Variants in ZBTB40 observed in about 807,000 individuals in gnomAD.
ZBTB40 encodes zinc finger and BTB domain-containing protein 40.
Under a neutral mutation model 117.5 loss-of-function variants are expected in ZBTB40, and 60 were observed. That is an observed-to-expected ratio of 0.51 (90% CI 0.41 to 0.63). The LOEUF is 0.63. Ranked by LOEUF, ZBTB40 falls within the 30% of genes least tolerant of loss-of-function variation. The pLI, the probability that ZBTB40 is intolerant of heterozygous loss-of-function variation, is 0.00. For missense variants in ZBTB40, 1,287 were observed against 1,498.5 expected, an observed-to-expected ratio of 0.86 and a Z score of 2.33; for synonymous variants, 525 against 577.1, an observed-to-expected ratio of 0.91 and a Z score of 1.29.
chr1:22,456,747 T>C (rs969391793), intron 1 of ZBTB40, among the ~76,000 whole-genome samples: 3 of 152,250 alleles, frequency 2.0e-5, no homozygotes, highest in Non-Finnish European at 4.4e-5. Flanking sequence ...GTAACATAGA[T>C]ATCTGCCCAT....
chr1:22,523,198 G>A (rs906833387), intron 16 of ZBTB40, among the ~76,000 whole-genome samples: 1 of 151,656 alleles, frequency 6.6e-6, no homozygotes, highest in African/African-American at 2.4e-5. Context: ...TGATCCGCCC[G>A]CCTCACCCTC....
rs1291390329 is a variant in ZBTB40 at position 22,502,325 on chromosome 1, T to C, written c.1051T>C (p.Ser351Pro). Reference protein sequence around the residue: ...KGSTEEGKTLSVLLLEHKEDL... With the variant: ...KGSTEEGKTLPVLLLEHKEDL... ...GAGCACAGAGGAGGGAAAGACCTTG[T>C]CTGTTCTGTTACTAGAACACAAAGA... is the stretch of plus-strand genomic sequence containing the variant. The change falls in exon 5 of 18, where the codon TCT becomes CCT. Residue 351 changes from serine (S) to proline (P), a missense_variant. Physicochemically the swap from Ser to Pro is moderately conservative, Grantham distance 74. Coordinates refer to ENST00000375647, the MANE Select transcript of ZBTB40 (RefSeq NM_014870.4). 6.2e-7 allele frequency: 1 copy of C among 1,613,944 alleles called. No homozygotes were observed. The highest frequency in any genetic ancestry group is 1.3e-5 in the African/African-American group (1 of 75,006).
upstream of ZBTB40, among the ~76,000 whole-genome samples, chr1:22,447,088 G>GC (rs1347819246): frequency 9.3e-5 from 14 of 149,764 alleles, no homozygotes; most frequent in Non-Finnish European, 8.9e-5. Context: ...GGGCGACAGA[G>GC]CAAGACCTTA....
intron 1 of ZBTB40, among the ~76,000 whole-genome samples, chr1:22,472,774 C>G (rs1641442717): frequency 6.6e-6 from 1 of 152,162 alleles, no homozygotes; most frequent in African/African-American, 2.4e-5. Flanking sequence ...TCTGGTTGAC[C>G]ATTTCCTAGA....
At chr1:22,464,736 A>T (rs1641211679) in intron 1 of ZBTB40, among the ~76,000 whole-genome samples, 1 of 152,226 alleles carries the variant, frequency 6.6e-6, no homozygotes. Flanking sequence ...AAATATGTAT[A>T]TGCATGCACA....
At chr1:22,481,787 C>CA (rs766474050) in intron 1 of ZBTB40, among the ~76,000 whole-genome samples, 54,296 of 64,242 alleles carry the variant, frequency 0.85, 25,097 homozygotes, top group Non-Finnish European at 0.94. Flanking sequence ...CTTGTTTTAC[C>CA]AAAAAAAAAA....
At chr1:22,491,242 C>G (rs1020855651) in intron 2 of ZBTB40, among the ~76,000 whole-genome samples, 158 bp from the exon 3 acceptor site, 1 of 152,192 alleles carries the variant, frequency 6.6e-6, no homozygotes, top group Non-Finnish European at 1.5e-5. Context: ...AAGGAGGAAG[C>G]TGTGAGAGAT....
Position 22,528,021 on chromosome 1 carries a change from T to G in ZBTB40, c.*1625T>G, listed in dbSNP as rs374362340. The G allele has an allele frequency of 5.2e-5, 8 of 152,634 alleles. No homozygotes were observed. The highest frequency in any genetic ancestry group is 1.9e-4 in the African/African-American group (8 of 41,402). The allele number at this position is 152,634 out of a possible 1,614,324, so 9.5% of individuals were successfully genotyped here. A position where few individuals can be genotyped will look rare whatever the true frequency, so the allele number is the denominator to read the frequency against. On this transcript the variant is annotated 3_prime_UTR_variant, in exon 18 of 18. Transcript: ENST00000375647. ...CTTGTCAATTAGGGTTCTGCCATTCTGAAATAAATGAAGTTTCTAAAGCAG... is the reference window on the plus strand; with the variant it reads ...CTTGTCAATTAGGGTTCTGCCATTCGGAAATAAATGAAGTTTCTAAAGCAG...
chr1:22,474,028 A>G (rs1484094995), intron 1 of ZBTB40, among the ~76,000 whole-genome samples: 1 of 152,204 alleles, frequency 6.6e-6, no homozygotes, highest in Admixed American at 6.5e-5. Flanking sequence ...CCTACTTGAT[A>G]TCTACAACAG....
rs755956667 is a variant in ZBTB40 at position 22,437,424 on chromosome 1, C to CT, written c.-70+8424dup. On this transcript the variant is annotated intron_variant, in intron 1 of 8. Coordinates refer to the ZBTB40 transcript ENST00000650433. ...AAAATAATACCATAAAACTTATCAT[C>CT]TTTTTTTTTTTTTTGAGATGGAGTC... is the stretch of plus-strand genomic sequence containing the variant. Among the ~76,000 whole-genome samples the CT allele has an allele frequency of 7.6e-3, 1,074 of 141,198 alleles. 16 individuals are homozygous for CT. Among genetic ancestry groups the CT allele is most frequent in the African/African-American group, 0.022 (860 of 38,644 alleles). The allele number at this position is 141,198 out of a possible 152,430, so 92.6% of individuals were successfully genotyped here.
chr1:22,497,411 G>T (rs577662296), intron 3 of ZBTB40, among the ~76,000 whole-genome samples: 2 of 152,158 alleles, frequency 1.3e-5, no homozygotes, highest in Non-Finnish European at 2.9e-5. Context: ...GACAGGGTTG[G>T]GTAGCCCTCT....
chr1:22,521,699 G>A (rs373034313), intron 15 of ZBTB40, 41 bp downstream of exon 15: 5 of 1,613,784 alleles, frequency 3.1e-6, no homozygotes, highest in Non-Finnish European at 4.2e-6. Flanking sequence ...GGAGGGGCTT[G>A]ATGGTGTAGC....
intron 1 of ZBTB40, among the ~76,000 whole-genome samples, chr1:22,431,634 G>A (rs572960596): frequency 9.6e-4 from 146 of 151,882 alleles, no homozygotes; most frequent in Admixed American, 2.4e-3. Flanking sequence ...TACTCGGGAG[G>A]CTGAGGCAGG....
intron 15 of ZBTB40, 151 bp from the exon 16 acceptor site, chr1:22,522,226 A>G (rs1639545673): frequency 1.3e-6 from 1 of 767,330 alleles, no homozygotes; most frequent in East Asian, 2.5e-5. Context: ...ACTAGATTGT[A>G]CAAATATACC....
At chr1:22,475,289 G>A (rs1036926233) in intron 1 of ZBTB40, among the ~76,000 whole-genome samples, 20 of 152,154 alleles carry the variant, frequency 1.3e-4, no homozygotes, top group Non-Finnish European at 1.5e-5. Flanking sequence ...CTAGTTCAGT[G>A]TGCCTTTCTC....
At chr1:22,503,852 T>C (rs1639012328) in intron 5 of ZBTB40, among the ~76,000 whole-genome samples, 1 of 152,242 alleles carries the variant, frequency 6.6e-6, no homozygotes, top group African/African-American at 2.4e-5. Flanking sequence ...TTCATTCGAT[T>C]ACTCATTCAG....
At position 22,490,597 on chromosome 1, in the gene ZBTB40, C is replaced by T. The variant is rs755063136; in HGVS notation, c.649C>T (p.Pro217Ser). 16 of 1,613,908 alleles carry T rather than the reference C, an allele frequency of 9.9e-6. No individual in the cohort carries two copies. The highest frequency in any genetic ancestry group is 2.7e-5 in the African/African-American group (2 of 74,940). ...TACAGCTGAAGCTTGTTCCCCCTCC[C>T]CTGCTGTGCAAACCTTTAGTGAGGC... ...PTTAEACSPSPAVQTFSEAKK... is the reference protein window; with the variant it reads ...PTTAEACSPSSAVQTFSEAKK... The change falls in exon 2 of 18, where the codon CCT becomes TCT. Residue 217 changes from proline (P) to serine (S), a missense_variant. By Grantham distance (74) the Pro-to-Ser change is moderately conservative (BLOSUM62 -1). Transcript: ENST00000375647.
chr1:22,467,673 C>T (rs927127243), intron 1 of ZBTB40, among the ~76,000 whole-genome samples: 1 of 151,910 alleles, frequency 6.6e-6, no homozygotes, highest in African/African-American at 2.4e-5. Context: ...CAGGGTTTCA[C>T]CATGTTGGCC....
chr1:22,523,421 TAAA>T (rs1197748186), intron 16 of ZBTB40, among the ~76,000 whole-genome samples: 1 of 152,104 alleles, frequency 6.6e-6, no homozygotes, highest in African/African-American at 2.4e-5. Flanking sequence ...AAGGAAAACA[TAAA>T]AAAACTGATT....
Sources: gnomAD v4.1 joint callset for allele counts (sites outside exome capture counted in the v4.1 genomes callset) on GRCh38, gnomAD v4.1.1 for gene constraint, MANE v1.5 for transcripts, NCBI Gene and HGNC (gene_info 2026-07-23, HGNC 2026-07-21) for gene names.